The following TEN1 variants were observed in gnomAD, a reference collection of about 807,000 sequenced individuals.
The protein encoded by TEN1 is TEN1 subunit of CST complex, also known as CST complex subunit TEN1.
TEN1 carries 6 observed loss-of-function variants against 9.3 expected under a neutral mutation model. That is an observed-to-expected ratio of 0.65 (90% CI 0.35 to 1.27). The LOEUF is 1.27. Among genes scored for constraint, TEN1 ranks in the 50% most tolerant of loss-of-function variants. The probability of loss-of-function intolerance (pLI) is 0.03; values close to 1 mark genes in which losing one functional copy is unlikely to be tolerated. For synonymous variants in TEN1, 65 were observed against 65.6 expected, an observed-to-expected ratio of 0.99 and a Z score of 0.04; for missense variants, 149 against 158.2, an observed-to-expected ratio of 0.94 and a Z score of 0.31.
At chr17:75,982,654 A>G (rs1215450271) in intron 1 of TEN1, among the ~76,000 whole-genome samples, 1 of 152,186 alleles carries the variant, frequency 6.6e-6, no homozygotes, top group East Asian at 1.9e-4. Context: ...GCGCAACCAT[A>G]GTTCACTGCA....
rs541459942 is a variant in TEN1, at chr17:75,988,287, G to A, written c.92+2003G>A. Among the ~76,000 whole-genome samples the A allele has an allele frequency of 7.3e-5, 11 of 151,436 alleles. No individual in the cohort carries two copies. The South Asian group carries it at 1.7e-3, about 23-fold the overall frequency. ...ATTTTAACCTAGTTAAGGGCTGGGT[G>A]TGGAGGCTTACACCTGTGATCCTAG... is the stretch of plus-strand genomic sequence containing the variant. On this transcript the variant is annotated intron_variant, in intron 2 of 3. Transcript: ENST00000397640.
chr17:75,990,529 G>A (rs1598213691), intron 2 of TEN1, among the ~76,000 whole-genome samples: 2 of 147,472 alleles, frequency 1.4e-5, no homozygotes. Context: ...AGCATTTGTA[G>A]CCCATATTGA....
At chr17:75,993,771 C>T (rs947159332) in intron 3 of TEN1, among the ~76,000 whole-genome samples, 4 of 150,788 alleles carry the variant, frequency 2.7e-5, no homozygotes, top group Admixed American at 6.6e-5. Context: ...CCGAGGCGGG[C>T]GGATCTCGAG....
intron 3 of TEN1, among the ~76,000 whole-genome samples, chr17:75,992,714 G>A (rs1410627976): frequency 2.0e-5 from 3 of 150,054 alleles, no homozygotes; most frequent in South Asian, 2.1e-4. Context: ...GGGTTTCACC[G>A]TATTAGCCAG....
At chr17:75,993,439 C>T (rs530682743) in intron 3 of TEN1, among the ~76,000 whole-genome samples, 4 of 152,062 alleles carry the variant, frequency 2.6e-5, no homozygotes, top group South Asian at 2.1e-4. Flanking sequence ...AGCGAATGAA[C>T]GCAGGAGAAA....
chr17:75,995,618 C>A (rs1170137094), intron 3 of TEN1, among the ~76,000 whole-genome samples: 1 of 152,202 alleles, frequency 6.6e-6, no homozygotes, highest in Admixed American at 6.5e-5. Flanking sequence ...GCCCGAGGGC[C>A]CCCTGTTCTG....
chr17:75,987,903 T>G (rs1427160576), intron 2 of TEN1, among the ~76,000 whole-genome samples: 9 of 72,542 alleles, frequency 1.2e-4, no homozygotes, highest in East Asian at 3.5e-4. Flanking sequence ...GGGGACAGGG[T>G]GAGACTCCAT....
At chr17:75,986,562 G>T (rs1172530554) in intron 2 of TEN1, among the ~76,000 whole-genome samples, 1 of 152,044 alleles carries the variant, frequency 6.6e-6, no homozygotes, top group East Asian at 1.9e-4. Flanking sequence ...TTAGCTGGGC[G>T]TGGTGGCGCA....
rs753022776 is a variant in TEN1 at position 76,000,247 on chromosome 17, G to C, written c.357G>C (p.Arg119=). ...IREQRLYKQE[R]GGSQ ...AGCAGAGACTGTACAAGCAGGAGCG[G>C]GGCGGCAGCCAGTAGGAAACAGCAG... is the stretch of plus-strand genomic sequence containing the variant. The change falls in exon 4 of 4, where the codon CGG becomes CGC. Residue 119 remains arginine (R), a synonymous_variant. Transcript: ENST00000397640. The surrounding 1 kb of genome is among the most constrained non-coding windows in gnomAD (Gnocchi z 5.9). 5.8e-6 allele frequency: 9 copies of C among 1,551,092 alleles called. No individual in the cohort carries two copies. Among genetic ancestry groups the C allele is most frequent in the Admixed American group, 2.0e-5 (1 of 50,964 alleles).
chr17:75,994,172 C>T (rs1358844726), intron 3 of TEN1, among the ~76,000 whole-genome samples: 1 of 151,962 alleles, frequency 6.6e-6, no homozygotes, highest in African/African-American at 2.4e-5. Context: ...CGGTGGCTCA[C>T]ACCTGTAATC....
chr17:75,980,715 G>A (rs1261122796), intron 1 of TEN1, among the ~76,000 whole-genome samples: 1 of 152,206 alleles, frequency 6.6e-6, no homozygotes, highest in African/African-American at 2.4e-5. Context: ...GAGCCGCTGC[G>A]CCTAGCCTGT....
chr17:75,991,412 G>T (rs118104688), intron 2 of TEN1, 54 bp from the exon 3 acceptor site: 33 of 1,531,470 alleles, frequency 2.2e-5, no homozygotes, highest in Non-Finnish European at 2.9e-5. Flanking sequence ...CCTTTTGAGC[G>T]TGGTGGTGAT....
At position 76,000,303 on chromosome 17, in the gene TEN1, C is replaced by T. The variant is rs947287923; in HGVS notation, c.*41C>T. 31 of 1,538,038 alleles carry T rather than the reference C, an allele frequency of 2.0e-5. No homozygotes were observed. In the East Asian group the frequency reaches 3.0e-4, roughly 15 times the overall value. The stretch of plus-strand genomic sequence containing the variant: ...CAACACCCTCACCTGCTTCAGAGCC[C>T]GAACCCTCTGGAGCTGCAGGAGCCC... On this transcript the variant is annotated 3_prime_UTR_variant, in exon 4 of 4. Transcript: ENST00000397640. The surrounding 1 kb of genome is among the most constrained non-coding windows in gnomAD (Gnocchi z 5.9).
intron 1 of TEN1, among the ~76,000 whole-genome samples, chr17:75,981,545 G>A (rs1015746124): frequency 3.3e-5 from 5 of 150,592 alleles, no homozygotes; most frequent in African/African-American, 1.2e-4. Flanking sequence ...TTGGGTCTCA[G>A]AAAACAATAC....
At chr17:75,998,932 C>T (rs914638105) in intron 3 of TEN1, among the ~76,000 whole-genome samples, 10 of 151,974 alleles carry the variant, frequency 6.6e-5, no homozygotes, top group African/African-American at 2.2e-4. Flanking sequence ...CTCAGGTGAT[C>T]CACCCATCTC....
At chr17:75,999,351 T>A (rs570556103) in intron 3 of TEN1, among the ~76,000 whole-genome samples, 37 of 148,962 alleles carry the variant, frequency 2.5e-4, no homozygotes, top group Non-Finnish European at 3.4e-4. Flanking sequence ...AAAAAAAAAA[T>A]TTTTTTTTTT....
At chr17:75,989,333 C>T (rs1418527814) in intron 2 of TEN1, among the ~76,000 whole-genome samples, 3 of 151,126 alleles carry the variant, frequency 2.0e-5, no homozygotes, top group African/African-American at 4.9e-5. Flanking sequence ...AGGATGGTCT[C>T]GATCTCCTGA....
intron 1 of TEN1, among the ~76,000 whole-genome samples, chr17:75,985,787 G>A (rs1598211236): frequency 6.7e-6 from 1 of 150,306 alleles, no homozygotes; most frequent in Non-Finnish European, 1.5e-5. Flanking sequence ...GCCTCCCAAA[G>A]TGCTGGGATT....
intron 3 of TEN1, among the ~76,000 whole-genome samples, chr17:75,998,818 G>A (rs2066233770): frequency 6.6e-6 from 1 of 152,088 alleles, no homozygotes; most frequent in Non-Finnish European, 1.5e-5. Context: ...AGCCTCCCGA[G>A]TAGCTGGGTT....
Sources: allele counts gnomAD v4.1 joint callset (sites outside exome capture counted in the v4.1 genomes callset), GRCh38; gene constraint gnomAD v4.1.1; non-coding constraint Gnocchi (gnomAD v3.1); transcripts MANE v1.5; gene names NCBI Gene and HGNC (gene_info 2026-07-23, HGNC 2026-07-21).